The following IBA57 variants were observed in gnomAD, a reference collection of about 807,000 sequenced individuals.
IBA57 encodes iron-sulfur cluster assembly factor IBA57, mitochondrial.
A neutral mutation model predicts 20.4 loss-of-function variants in IBA57; 20 were observed. The observed-to-expected ratio is 0.98, with a 90% CI of 0.69 to 1.42. The LOEUF (loss-of-function observed/expected upper bound fraction) is 1.42. IBA57 is among the 40% of genes most tolerant of loss of function. The pLI, the probability that IBA57 is intolerant of heterozygous loss-of-function variation, is 0.00. For missense variants in IBA57, 608 were observed against 499.3 expected, an observed-to-expected ratio of 1.22 and a Z score of -2.07; for synonymous variants, 310 against 233.9, an observed-to-expected ratio of 1.33 and a Z score of -2.97.
rs1362971881 is a variant in IBA57, at chr1:228,181,716, A to G, written c.*6203A>G. 1 of 152,246 alleles carries G rather than the reference A, an allele frequency of 6.6e-6. No individual in the cohort carries two copies. Among genetic ancestry groups the G allele is most frequent in the Non-Finnish European group, 1.5e-5 (1 of 68,036 alleles). 9.4% of individuals were successfully genotyped at this position (152,246 alleles called of 1,614,324 possible). ...TTCCCGGAGTGAGTGCAGCATTTACATTCCCACCAGAAGTGTGCCAGGTTC... is the reference window on the plus strand; with the variant it reads ...TTCCCGGAGTGAGTGCAGCATTTACGTTCCCACCAGAAGTGTGCCAGGTTC... On this transcript the variant is annotated 3_prime_UTR_variant, in exon 3 of 3. Coordinates refer to ENST00000366711, the MANE Select transcript of IBA57 (RefSeq NM_001010867.4).
Position 228,174,809 on chromosome 1 carries a change from G to A in IBA57, c.459G>A (p.Pro153=), listed in dbSNP as rs2034984342. 1 of 1,610,204 alleles carries A rather than the reference G, an allele frequency of 6.2e-7. No homozygotes were observed. Reference sequence around the variant, plus strand: ...TCCGGCGGAAGGTCACGGTGGAGCCGCACCCGGAGCTGCGAGTGTGGGCGG... The same window carrying A: ...TCCGGCGGAAGGTCACGGTGGAGCCACACCCGGAGCTGCGAGTGTGGGCGG... ...YRIRRKVTVE[P]HPELRVWAVL... Residue 153 remains proline (P), a synonymous_variant, in exon 2 of 3, where the codon CCG becomes CCA. Coordinates refer to ENST00000366711, the MANE Select transcript of IBA57 (RefSeq NM_001010867.4).
rs2035065038 is a variant in IBA57, at chr1:228,178,724, A to AAAC, written c.*3213_*3214insCAA. ...TCCTAAGAAGTATACGTTCATTGTA[A>AAAC]AATCATTATCATCATCATCTTCTAA... On this transcript the variant is annotated 3_prime_UTR_variant, in exon 3 of 3. Transcript: ENST00000366711. The AAAC allele has an allele frequency of 6.6e-6, 1 of 152,246 alleles. No individual in the cohort carries two copies. The highest frequency in any genetic ancestry group is 2.4e-5 in the African/African-American group (1 of 41,450). The allele number at this position is 152,246 out of a possible 1,614,324, so 9.4% of individuals were successfully genotyped here.
Position 228,180,155 on chromosome 1 carries a change from CAAAAAAAAAAAAAAAAA to C in IBA57, c.*4655_*4671del, listed in dbSNP as rs34011115. On this transcript the variant is annotated 3_prime_UTR_variant, in exon 3 of 3. Transcript: ENST00000366711. ...TGGGCAATAGAATGAGACTCTGTCTCAAAAAAAAAAAAAAAAAAAAAAAAAAAAAGAGGGCTAAACGC... is the reference window on the plus strand; with the variant it reads ...TGGGCAATAGAATGAGACTCTGTCTCAAAAAAAAAAAAGAGGGCTAAACGC... 1 of 60,300 alleles carries C rather than the reference CAAAAAAAAAAAAAAAAA, an allele frequency of 1.7e-5. No homozygotes were observed. The highest frequency in any genetic ancestry group is 2.9e-5 in the Non-Finnish European group (1 of 34,566). The allele number at this position is 60,300 out of a possible 1,614,324, so 3.7% of individuals were successfully genotyped here.
chr1:228,166,302 C>A, intron 1 of IBA57, 145 bp downstream of exon 1: 6 of 317,670 alleles, frequency 1.9e-5, no homozygotes, highest in East Asian at 7.6e-5. Flanking sequence ...GGTGGAAGCT[C>A]AAGGGTGGGT....
At position 228,177,483 on chromosome 1, in the gene IBA57, C is replaced by CTTTTTTTTTTTTTTTTTTTTTTTTTT. The variant is rs11313764; in HGVS notation, c.*1994_*1995insTTTTTTTTTTTTTTTTTTTTTTTTTT. ...AACACATTTCGTGTTCTTCTGTGTC[C>CTTTTTTTTTTTTTTTTTTTTTTTTTT]TTTTTTTTTTTTTTTTTTTTTTTTG... On this transcript the variant is annotated 3_prime_UTR_variant, in exon 3 of 3. Transcript: ENST00000366711. 1 of 52,464 alleles carries CTTTTTTTTTTTTTTTTTTTTTTTTTT rather than the reference C, an allele frequency of 1.9e-5. No individual in the cohort carries two copies. The highest frequency in any genetic ancestry group is 7.3e-5 in the African/African-American group (1 of 13,730). The allele number at this position is 52,464 out of a possible 1,614,324, so 3.2% of individuals were successfully genotyped here.
rs775746415 is a variant in IBA57 at position 228,175,068 on chromosome 1, G to A, written c.679+39G>A. 12 of 1,577,694 alleles carry A rather than the reference G, an allele frequency of 7.6e-6. No homozygotes were observed. In the African/African-American group the frequency reaches 9.4e-5, roughly 12 times the overall value. On this transcript the variant is annotated intron_variant, in intron 2 of 2. Transcript: ENST00000366711. ...GGGCACGCTGGGCTGGATTGCACGGGTGGAGCTGGACGATGTTCAATTCTC... is the reference window on the plus strand; with the variant it reads ...GGGCACGCTGGGCTGGATTGCACGGATGGAGCTGGACGATGTTCAATTCTC...
intron 1 of IBA57, among the ~76,000 whole-genome samples, chr1:228,168,963 C>T (rs116424324): frequency 6.6e-6 from 1 of 152,292 alleles, no homozygotes; most frequent in African/African-American, 2.4e-5. Flanking sequence ...ACAAGGTTAC[C>T]TCCTTGAGTG....
chr1:228,166,107 C>T lies in IBA57; in HGVS notation c.291C>T (p.Ala97=). 6.5e-7 allele frequency: 1 copy of T among 1,537,242 alleles called. No individual in the cohort carries two copies. Residue 97 remains alanine (A), a synonymous_variant, in exon 1 of 3, where the codon GCC becomes GCT. Coordinates refer to ENST00000366711, the MANE Select transcript of IBA57 (RefSeq NM_001010867.4). ...GAPPAARAGY[A]HFLNVQGRTL... ...CGCCTGCTGCGCGCGCGGGCTACGC[C>T]CACTTCCTGAACGTGCAGGGCCGGA...
rs769863774 is a variant in IBA57, at chr1:228,178,580, TAAAACAA to T, written c.*3069_*3075del. On this transcript the variant is annotated 3_prime_UTR_variant, in exon 3 of 3. Coordinates refer to ENST00000366711, the MANE Select transcript of IBA57 (RefSeq NM_001010867.4). ...TGGGCAACAGAGCAAGACCCTGTCT[TAAAACAA>T]AGAAAGAATAAAAAAGAAGAGAAGT... The T allele has an allele frequency of 1.5e-5, 2 of 131,028 alleles. No homozygotes were observed. Among genetic ancestry groups the T allele is most frequent in the Non-Finnish European group, 3.5e-5 (2 of 57,202 alleles). 8.1% of individuals were successfully genotyped at this position (131,028 alleles called of 1,614,324 possible).
chr1:228,174,918 C>A lies in IBA57; in HGVS notation c.568C>A (p.Arg190=), dbSNP rs1400819277. The stretch of plus-strand genomic sequence containing the variant: ...TGCCGCCATCCTCATCCGCGACCCG[C>A]GAACAGCACGCATGGGGTGGCGGCT... ...GAAAILIRDP[R]TARMGWRLLT... Residue 190 remains arginine (R), a synonymous_variant, in exon 2 of 3, where the codon CGA becomes AGA. Transcript: ENST00000366711. The A allele has an allele frequency of 1.3e-6, 2 of 1,598,526 alleles. No individual in the cohort carries two copies. The highest frequency in any genetic ancestry group is 1.1e-5 in the South Asian group (1 of 90,368).
chr1:228,174,800 G>C lies in IBA57; in HGVS notation c.450G>C (p.Thr150=). The C allele has an allele frequency of 2.5e-6, 4 of 1,610,832 alleles. No individual in the cohort carries two copies. The South Asian group carries it at 3.3e-5, about 13-fold the overall frequency. ...LALYRIRRKV[T]VEPHPELRVW... ...TATACAGGATCCGGCGGAAGGTCAC[G>C]GTGGAGCCGCACCCGGAGCTGCGAG... The change falls in exon 2 of 3, where the codon ACG becomes ACC. Residue 150 remains threonine, a synonymous_variant. Transcript: ENST00000366711.
Position 228,180,990 on chromosome 1 carries a change from G to C in IBA57, c.*5477G>C, listed in dbSNP as rs1011924274. On this transcript the variant is annotated 3_prime_UTR_variant, in exon 3 of 3. Coordinates refer to ENST00000366711, the MANE Select transcript of IBA57 (RefSeq NM_001010867.4). ...TTTTAAATGCTGGTCTTCAACTCTT[G>C]TCCCCAAGTAGCTGGGATTGGGGCA... 6.6e-6 allele frequency: 1 copy of C among 151,890 alleles called. No homozygotes were observed. Among genetic ancestry groups the C allele is most frequent in the East Asian group, 1.9e-4 (1 of 5,188 alleles). 9.4% of individuals were successfully genotyped at this position (151,890 alleles called of 1,614,324 possible).
rs12132960 is a variant in IBA57, at chr1:228,166,114, C to T, written c.298C>T (p.Leu100=). ...PAARAGYAHF[L]NVQGRTLYDV... is the part of the protein sequence containing the mutation. Reference sequence around the variant, plus strand: ...TGCGCGCGCGGGCTACGCCCACTTCCTGAACGTGCAGGGCCGGACGCTCTA... The same window carrying T: ...TGCGCGCGCGGGCTACGCCCACTTCTTGAACGTGCAGGGCCGGACGCTCTA... Residue 100 remains leucine, a synonymous_variant, in exon 1 of 3, where the codon CTG becomes TTG. Transcript: ENST00000366711. 2.6e-6 allele frequency: 4 copies of T among 1,538,900 alleles called. No individual in the cohort carries two copies. Among genetic ancestry groups the T allele is most frequent in the Non-Finnish European group, 3.5e-6 (4 of 1,144,994 alleles).
Position 228,176,569 on chromosome 1 carries a change from G to A in IBA57, c.*1056G>A, listed in dbSNP as rs1239167267. The A allele has an allele frequency of 6.6e-6, 1 of 152,452 alleles. No homozygotes were observed. Among genetic ancestry groups the A allele is most frequent in the Non-Finnish European group, 1.5e-5 (1 of 68,234 alleles). 9.4% of individuals were successfully genotyped at this position (152,452 alleles called of 1,614,324 possible). A position where few individuals can be genotyped will look rare whatever the true frequency, so the allele number is the denominator to read the frequency against. On this transcript the variant is annotated 3_prime_UTR_variant, in exon 3 of 3. Transcript: ENST00000366711. ...GGCCCAGGCTGGGCACGTGGGTGCC[G>A]AGTCTGCAAAGGACAGCCCCATGGC...
At chr1:228,166,755 T>G (rs1311099052) in intron 1 of IBA57, among the ~76,000 whole-genome samples, 5 of 152,346 alleles carry the variant, frequency 3.3e-5, no homozygotes, top group Admixed American at 3.3e-4. Flanking sequence ...GGGCCTTGAC[T>G]GCTTACAGCC....
chr1:228,169,620 T>C (rs890015362), intron 1 of IBA57, among the ~76,000 whole-genome samples: 5 of 152,182 alleles, frequency 3.3e-5, no homozygotes, highest in Non-Finnish European at 5.9e-5. Context: ...GGCAAATGTA[T>C]GATGACACAT....
Position 228,175,600 on chromosome 1 carries a change from C to T in IBA57, c.*87C>T, listed in dbSNP as rs1320761007. 2 of 1,449,174 alleles carry T rather than the reference C, an allele frequency of 1.4e-6. No homozygotes were observed. Among genetic ancestry groups the T allele is most frequent in the Non-Finnish European group, 1.8e-6 (2 of 1,092,154 alleles). The allele number at this position is 1,449,174 out of a possible 1,614,324, so 89.8% of individuals were successfully genotyped here. A position where few individuals can be genotyped will look rare whatever the true frequency, so the allele number is the denominator to read the frequency against. On this transcript the variant is annotated 3_prime_UTR_variant, in exon 3 of 3. Transcript: ENST00000366711. The stretch of plus-strand genomic sequence containing the variant: ...TCCAGGGTCTTCCCGTCCCATCTGT[C>T]TGCTGCGCCTACTGGGTGGGAGCCC...
chr1:228,166,404 G>A (rs1325416244), intron 1 of IBA57, among the ~76,000 whole-genome samples: 1 of 152,220 alleles, frequency 6.6e-6, no homozygotes, highest in Non-Finnish European at 1.5e-5. Flanking sequence ...CAGCACCCGG[G>A]GGAGGGCACC....
intron 1 of IBA57, among the ~76,000 whole-genome samples, chr1:228,169,300 ATACT>A (rs2034894050): frequency 6.6e-6 from 1 of 151,922 alleles, no homozygotes; most frequent in Non-Finnish European, 1.5e-5. Context: ...TTCAACTTTG[ATACT>A]TAATATATCA....
Sources: gnomAD v4.1 joint callset for allele counts (sites outside exome capture counted in the v4.1 genomes callset) on GRCh38, gnomAD v4.1.1 for gene constraint, MANE v1.5 for transcripts, NCBI Gene and HGNC (gene_info 2026-07-23, HGNC 2026-07-21) for gene names.